Variants in VWF observed in about 807,000 individuals in gnomAD.
VWF encodes Factor VIII related antigen.
In VWF, 176 loss-of-function variants were observed where a neutral mutation model predicts 308.6. That is an observed-to-expected ratio of 0.57 (90% CI 0.50 to 0.65). VWF has a LOEUF of 0.65. Among genes scored for constraint, VWF ranks in the 30% least tolerant of loss-of-function variants. The pLI is 0.00. For missense variants in VWF, 3,146 were observed against 3,648.2 expected, an observed-to-expected ratio of 0.86 and a Z score of 3.55; for synonymous variants, 1,385 against 1,443.4, an observed-to-expected ratio of 0.96 and a Z score of 0.92.
chr12:6,030,398 T>TG lies in VWF; in HGVS notation c.2821-911dup, dbSNP rs1390463179. On this transcript the variant is annotated intron_variant, in intron 21 of 51. Transcript: ENST00000261405. ...GGTGAAGAATTCACCTCCCATCCCC[T>TG]GCTGTCAATGGTGGGTATTTGGAAG... Among the ~76,000 whole-genome samples, 12 of 152,280 alleles carry TG rather than the reference T, an allele frequency of 7.9e-5. No homozygotes were observed. The South Asian group carries it at 2.3e-3, about 29-fold the overall frequency.
rs148901164 is a variant in VWF at position 6,018,513 on chromosome 12, G to A, written c.4905C>T (p.Asn1635=). Residue 1635 remains asparagine (N), a synonymous_variant, in exon 28 of 52, where the codon AAC becomes AAT. Transcript: ENST00000261405. ...VVPIGVGPNA[N]VQELERIGWP... is the part of the protein sequence containing the mutation. ...AGCCAATCCTCTCCAGCTCCTGCAC[G>A]TTGGCATTAGGGCCCACTCCAATGG... The A allele has an allele frequency of 1.4e-5, 23 of 1,613,824 alleles. No homozygotes were observed. The highest frequency in any genetic ancestry group is 5.3e-5 in the African/African-American group (4 of 74,906).
At position 6,101,436 on chromosome 12, in the gene VWF, TAA is replaced by T. The variant is rs368352820; in HGVS notation, c.533-5854_533-5853del. On this transcript the variant is annotated intron_variant, in intron 5 of 51. Coordinates refer to ENST00000261405, the MANE Select transcript of VWF (RefSeq NM_000552.5). ...AAGCAACACAGAGGGATAAAGAGCTTAAAAAAAAAAAATGGAAGTAAGGTAAA... is the reference window on the plus strand; with the variant it reads ...AAGCAACACAGAGGGATAAAGAGCTTAAAAAAAAAATGGAAGTAAGGTAAA... Among the ~76,000 whole-genome samples, 519 of 144,588 alleles carry T rather than the reference TAA, an allele frequency of 3.6e-3. 2 individuals are homozygous for T. Among genetic ancestry groups the T allele is most frequent in the African/African-American group, 0.012 (491 of 40,200 alleles). 94.9% of individuals were successfully genotyped at this position (144,588 alleles called of 152,430 possible).
At chr12:5,964,249 TGC>T (rs1943364913) in intron 47 of VWF, among the ~76,000 whole-genome samples, 1 of 140,972 alleles carries the variant, frequency 7.1e-6, no homozygotes, top group African/African-American at 3.1e-5. Context: ...CATACATACA[TGC>T]ATACATACAT....
chr12:5,974,223 C>T (rs897545711), intron 43 of VWF, among the ~76,000 whole-genome samples: 2 of 152,156 alleles, frequency 1.3e-5, no homozygotes, highest in African/African-American at 2.4e-5. Context: ...CTTACTTAAG[C>T]TCCCACCTCA....
chr12:6,123,113 A>G (rs981804118), intron 2 of VWF, 29 bp downstream of exon 2: 1 of 1,614,026 alleles, frequency 6.2e-7, no homozygotes, highest in Non-Finnish European at 8.5e-7. Flanking sequence ...TGGGGCAGGA[A>G]TGAGAAATGG....
chr12:6,046,735 G>A lies in VWF; in HGVS notation c.2269C>T (p.Leu757=). ...LLPDAVLSSP[L]SHRSKRSLSC... is the part of the protein sequence containing the mutation. ...GGACAGTACTCACTGCGATGAGACA[G>A]GGGACTGCTGAGGACAGCGTCAGGC... The change falls in exon 17 of 52, where the codon CTG becomes TTG. Residue 757 remains leucine, a synonymous_variant. Coordinates refer to ENST00000261405, the MANE Select transcript of VWF (RefSeq NM_000552.5). The surrounding 1 kb of genome is among the most constrained non-coding windows in gnomAD (Gnocchi z 5.0). The A allele has an allele frequency of 6.2e-7, 1 of 1,614,116 alleles. No homozygotes were observed. The highest frequency in any genetic ancestry group is 8.5e-7 in the Non-Finnish European group (1 of 1,179,992).
Position 6,063,522 on chromosome 12 carries a change from C to T in VWF, c.1433-468G>A, listed in dbSNP as rs1944679860. On this transcript the variant is annotated intron_variant, in intron 12 of 51. Transcript: ENST00000261405. The surrounding 1 kb of genome is among the most constrained non-coding windows in gnomAD (Gnocchi z 4.9). The stretch of plus-strand genomic sequence containing the variant: ...GAAGGTGGCGACAGATAGGAGCACA[C>T]CCCTTGCCCTGGGGGAACAAACATA... Among the ~76,000 whole-genome samples, 1 of 152,134 alleles carries T rather than the reference C, an allele frequency of 6.6e-6. No individual in the cohort carries two copies. Among genetic ancestry groups the T allele is most frequent in the Admixed American group, 6.5e-5 (1 of 15,276 alleles).
chr12:6,083,824 G>C (rs921904836), intron 6 of VWF, among the ~76,000 whole-genome samples: 3 of 152,206 alleles, frequency 2.0e-5, no homozygotes, highest in Non-Finnish European at 4.4e-5. Context: ...AAGCAGAGGG[G>C]TCTTGTGCAA....
intron 6 of VWF, among the ~76,000 whole-genome samples, chr12:6,087,751 T>C (rs1396801736): frequency 2.6e-5 from 4 of 151,836 alleles, no homozygotes; most frequent in Admixed American, 2.0e-4. Flanking sequence ...AGGTAGGGGG[T>C]TGAAGTAGAT....
rs750868060 is a variant in VWF, at chr12:5,968,130, A to C, written c.7767T>G (p.Ile2589Met). 6.2e-7 allele frequency: 1 copy of C among 1,613,998 alleles called. No individual in the cohort carries two copies. Among genetic ancestry groups the C allele is most frequent in the Non-Finnish European group, 8.5e-7 (1 of 1,179,976 alleles). ...GGAGAAGAGGACAGCGGCTCACCCC[A>C]ATGACAGTGCCATTGAGCATGCAGG... ...MEACMLNGTV[I>M]GPGKTVMIDV... is the part of the protein sequence containing the mutation. Residue 2589 changes from isoleucine to methionine, a missense_variant, in exon 46 of 52, where the codon ATT becomes ATG. Physicochemically the swap from Ile to Met is conservative, Grantham distance 10. Coordinates refer to ENST00000261405, the MANE Select transcript of VWF (RefSeq NM_000552.5).
chr12:5,951,978 G>A, intron 49 of VWF, 95 bp from the exon 50 acceptor site: 3 of 1,254,174 alleles, frequency 2.4e-6, no homozygotes, highest in Non-Finnish European at 3.5e-6. Flanking sequence ...CGAACTCACA[G>A]CCCTGTGCTT....
chr12:6,104,222 G>A (rs981422219), intron 5 of VWF, among the ~76,000 whole-genome samples: 7 of 152,064 alleles, frequency 4.6e-5, no homozygotes, highest in African/African-American at 1.7e-4. Flanking sequence ...AAACCACAAT[G>A]AGATATCATC....
chr12:6,075,076 G>A lies in VWF; in HGVS notation c.874+259C>T, dbSNP rs1944826667. Reference sequence around the variant, plus strand: ...TGAGTGCAGGGGTCGGATTTCCTGAGGGAAGTCAGGGGGCGCCAGGGGAGG... The same window carrying A: ...TGAGTGCAGGGGTCGGATTTCCTGAAGGAAGTCAGGGGGCGCCAGGGGAGG... On this transcript the variant is annotated intron_variant, in intron 7 of 51. Coordinates refer to ENST00000261405, the MANE Select transcript of VWF (RefSeq NM_000552.5). This position sits in a 1 kb window ranked among gnomAD's most constrained non-coding sequence, Gnocchi z 4.7. Among the ~76,000 whole-genome samples the A allele has an allele frequency of 6.6e-6, 1 of 151,426 alleles. No homozygotes were observed. Among genetic ancestry groups the A allele is most frequent in the Non-Finnish European group, 1.5e-5 (1 of 67,814 alleles).
At chr12:6,104,976 T>C (rs1260573223) in intron 5 of VWF, among the ~76,000 whole-genome samples, 1 of 152,150 alleles carries the variant, frequency 6.6e-6, no homozygotes, top group Non-Finnish European at 1.5e-5. Flanking sequence ...GGTCATTATG[T>C]TAAGTGAAAC....
intron 25 of VWF, among the ~76,000 whole-genome samples, 176 bp from the exon 26 acceptor site, chr12:6,023,074 T>C (rs145909478): frequency 0.064 from 9,624 of 151,514 alleles, 994 homozygotes; most frequent in African/African-American, 0.22. Context: ...AATCTATTGG[T>C]TCTGAATTCA....
chr12:6,003,685 G>C (rs1943896502), intron 34 of VWF, among the ~76,000 whole-genome samples: 1 of 152,144 alleles, frequency 6.6e-6, no homozygotes, highest in Admixed American at 6.5e-5. Flanking sequence ...TGTTGCCAGG[G>C]GCTGGAGGAA....
At position 6,064,371 on chromosome 12, in the gene VWF, C is replaced by T. The variant is rs770245302; in HGVS notation, c.1307G>A (p.Arg436His). 1.2e-6 allele frequency: 2 copies of T among 1,613,998 alleles called. No homozygotes were observed. Among genetic ancestry groups the T allele is most frequent in the African/African-American group, 1.3e-5 (1 of 74,916 alleles). The change falls in exon 12 of 52, where the codon CGC becomes CAC. Residue 436 changes from arginine to histidine, a missense_variant. By Grantham distance (29) the Arg-to-His change is conservative. Coordinates refer to ENST00000261405, the MANE Select transcript of VWF (RefSeq NM_000552.5). ...VIETVQCADD[R>H]DAVCTRSVTV... Reference sequence around the variant, plus strand: ...GACGGAGCGGGTGCACACAGCGTCGCGGTCATCAGCACACTGCCAAGAGGG... The same window carrying T: ...GACGGAGCGGGTGCACACAGCGTCGTGGTCATCAGCACACTGCCAAGAGGG...
chr12:6,025,521 C>T, intron 24 of VWF, 59 bp downstream of exon 24: 5 of 1,369,806 alleles, frequency 3.7e-6, no homozygotes, highest in Non-Finnish European at 5.2e-6. Context: ...CACTCTGTGT[C>T]CATACCACCA....
intron 34 of VWF, among the ~76,000 whole-genome samples, chr12:6,001,626 T>C (rs1943874445): frequency 6.6e-6 from 1 of 152,148 alleles, no homozygotes; most frequent in South Asian, 2.1e-4. Context: ...AAGGAGACAT[T>C]GGTAGACAAA....
Sources: allele counts gnomAD v4.1 joint callset (sites outside exome capture counted in the v4.1 genomes callset), GRCh38; gene constraint gnomAD v4.1.1; non-coding constraint Gnocchi (gnomAD v3.1); transcripts MANE v1.5; gene names NCBI Gene and HGNC (gene_info 2026-07-23, HGNC 2026-07-21).